LAMB4: variants seen among roughly 807,000 people sequenced by gnomAD.
LAMB4 encodes the protein laminin subunit beta-4.
Under a neutral mutation model 199.2 loss-of-function variants are expected in LAMB4, and 196 were observed. That is an observed-to-expected ratio of 0.98 (90% confidence interval 0.88 to 1.11). The LOEUF is 1.11. Among genes scored for constraint, LAMB4 ranks in the 50% least tolerant of loss-of-function variants. The pLI is 0.00. For missense variants in LAMB4, 2,080 were observed against 2,171.2 expected (o/e 0.96, Z 0.83); for synonymous variants, 744 against 770.6 (o/e 0.97, Z 0.57).
chr7:108,095,730 T>C (rs1477029402), intron 11 of LAMB4, among the ~76,000 whole-genome samples: 1 of 152,164 alleles, frequency 6.6e-6, no homozygotes, highest in Non-Finnish European at 1.5e-5. Flanking sequence ...GGAATCCCAC[T>C]CTCTCTTCTC....
intron 30 of LAMB4, among the ~76,000 whole-genome samples, chr7:108,036,673 G>A (rs1420061620): frequency 1.3e-5 from 2 of 152,130 alleles, no homozygotes; most frequent in East Asian, 1.9e-4. Flanking sequence ...AACTGATCCT[G>A]TAACCCTGAC....
rs2036036590 is a variant in LAMB4, at chr7:108,057,905, T to C, written c.3306A>G (p.Lys1102=). 1.2e-6 allele frequency: 2 copies of C among 1,613,546 alleles called. No individual in the cohort carries two copies. Among genetic ancestry groups the C allele is most frequent in the Admixed American group, 1.7e-5 (1 of 59,984 alleles). The change falls in exon 24 of 34, where the codon AAA becomes AAG. Residue 1102 remains lysine, a synonymous_variant. Transcript: ENST00000388781. The part of the protein sequence containing the change: ...CDQLTGQCPC[K]LGYGGKRCSE... ...TGCAACGTTTCCCGCCGTAACCTAA[T>C]TTACACGGACACTGGCCTGTAAGCT... is the stretch of plus-strand genomic sequence containing the variant.
rs1269662146 is a variant in LAMB4, at chr7:108,025,428, C to G, written c.5147-1250G>C. ...TTCTTTCTTTCTTTCTTCTTTCTTTCTTTCTTTTTTTTTTTTTGAGACAGA... is the reference window on the plus strand; with the variant it reads ...TTCTTTCTTTCTTTCTTCTTTCTTTGTTTCTTTTTTTTTTTTTGAGACAGA... On this transcript the variant is annotated intron_variant, in intron 33 of 33. Transcript: ENST00000388781. 2.3e-3 allele frequency among the ~76,000 whole-genome samples: 274 copies of G among 119,650 alleles called. 7 individuals carry two copies. The highest frequency in any genetic ancestry group is 0.014 in the African/African-American group (252 of 17,476). 78.5% of individuals were successfully genotyped at this position (119,650 alleles called of 152,430 possible).
At chr7:108,100,063 C>T (rs1305550457) in intron 10 of LAMB4, among the ~76,000 whole-genome samples, 1 of 152,074 alleles carries the variant, frequency 6.6e-6, no homozygotes, top group Non-Finnish European at 1.5e-5. Context: ...GGAGACACTC[C>T]AAAGAATCAG....
chr7:108,086,782 C>T (rs1331732686), intron 14 of LAMB4, among the ~76,000 whole-genome samples: 1 of 152,178 alleles, frequency 6.6e-6, no homozygotes, highest in Non-Finnish European at 1.5e-5. Context: ...TCATGAACCA[C>T]CCATATTAGA....
rs755132371 is a variant in LAMB4 at position 108,107,758 on chromosome 7, A to T, written c.464T>A (p.Val155Glu). 2 of 1,613,814 alleles carry T rather than the reference A, an allele frequency of 1.2e-6. No individual in the cohort carries two copies. Among genetic ancestry groups the T allele is most frequent in the Non-Finnish European group, 8.5e-7 (1 of 1,179,960 alleles). The change falls in exon 6 of 34, where the codon GTG becomes GAG. Residue 155 changes from valine to glutamate, a missense_variant. By Grantham distance (121) the Val-to-Glu change is moderately radical (BLOSUM62 -2). Coordinates refer to ENST00000388781, the MANE Select transcript of LAMB4 (RefSeq NM_007356.3). ...ACAGTCTTTTGCAAAATATTTGAAC[A>T]CTTTCCAGTTGTGTCCATAGTCTGT... ...RSTDYGHNWK[V>E]FKYFAKDCAT...
chr7:108,055,123 T>A (rs2035937363), intron 25 of LAMB4, among the ~76,000 whole-genome samples: 1 of 152,116 alleles, frequency 6.6e-6, no homozygotes, highest in Non-Finnish European at 1.5e-5. Flanking sequence ...ATCAATGGCA[T>A]CTGGAAAAAT....
chr7:108,036,887 T>C (rs1563034937), intron 30 of LAMB4, among the ~76,000 whole-genome samples: 1 of 148,862 alleles, frequency 6.7e-6, no homozygotes, highest in African/African-American at 2.5e-5. Context: ...TTTTTGCCAT[T>C]ATTTTCAATG....
intron 2 of LAMB4, 84 bp from the exon 3 acceptor site, chr7:108,116,245 G>A: frequency 7.8e-7 from 1 of 1,281,966 alleles, no homozygotes; most frequent in East Asian, 2.4e-5. Flanking sequence ...AAGGGGGAAA[G>A]TTATGTATTT....
In LAMB4 at chr7:108,063,864, C is replaced by G. The variant is rs751639136; in HGVS notation, c.2958G>C (p.Arg986=). 4.3e-6 allele frequency: 7 copies of G among 1,614,048 alleles called. No individual in the cohort carries two copies. In the Admixed American group the frequency reaches 1.2e-4, roughly 27 times the overall value. Residue 986 remains arginine, a synonymous_variant, in exon 22 of 34, where the codon CGG becomes CGC. Coordinates refer to ENST00000388781, the MANE Select transcript of LAMB4 (RefSeq NM_007356.3). ...AACATCGAAGGCACTCCCCTGTTAC[C>G]CGGCTGCAGGACTCTGGATCGGTTA... is the stretch of plus-strand genomic sequence containing the variant. ...IDVTDPESCS[R]VTGECLRCLH...
At chr7:108,019,255 T>C (rs965154399), downstream of LAMB4, among the ~76,000 whole-genome samples, 5 of 152,194 alleles carry the variant, frequency 3.3e-5, no homozygotes, top group African/African-American at 9.6e-5. Context: ...TAGGGACAAC[T>C]TACCTTCCTC....
downstream of LAMB4, among the ~76,000 whole-genome samples, chr7:108,019,321 G>A (rs968298550): frequency 1.2e-4 from 18 of 151,710 alleles, no homozygotes; most frequent in South Asian, 4.2e-4. Flanking sequence ...CAATCCTCCC[G>A]TGCTGCTGTC....
the LAMB4 span, among the ~76,000 whole-genome samples, chr7:108,016,513 G>A: frequency 2.0e-5 from 3 of 152,032 alleles, no homozygotes; most frequent in African/African-American, 7.2e-5. Flanking sequence ...CAAACTCCTG[G>A]CCTCAAGTGA....
At chr7:108,029,690 T>G (rs997107088) in intron 32 of LAMB4, among the ~76,000 whole-genome samples, 3 of 152,164 alleles carry the variant, frequency 2.0e-5, no homozygotes, top group African/African-American at 7.2e-5. Context: ...GAAGTAGAAG[T>G]GTGGTATGGA....
In LAMB4 at chr7:108,115,379, A is replaced by T. The variant is rs1246978100; in HGVS notation, c.192+625T>A. On this transcript the variant is annotated intron_variant, in intron 3 of 33. Transcript: ENST00000388781. Reference sequence around the variant, plus strand: ...TTTGGGAAAAAATAACAACAATAAAACAATAACAGGGTAGGCCCAGTGGCT... The same window carrying T: ...TTTGGGAAAAAATAACAACAATAAATCAATAACAGGGTAGGCCCAGTGGCT... Among the ~76,000 whole-genome samples the T allele has an allele frequency of 2.6e-5, 4 of 152,320 alleles. No homozygotes were observed. In the Middle Eastern group the frequency reaches 0.01, roughly 389 times the overall value.
chr7:108,027,363 T>C (rs2034874303), intron 33 of LAMB4, among the ~76,000 whole-genome samples: 1 of 152,198 alleles, frequency 6.6e-6, no homozygotes, highest in Admixed American at 6.5e-5. Context: ...TTAAAGCAAT[T>C]ATATAAGTGC....
At chr7:108,047,203 A>G (rs1448040401) in intron 28 of LAMB4, among the ~76,000 whole-genome samples, 2 of 152,126 alleles carry the variant, frequency 1.3e-5, no homozygotes, top group African/African-American at 4.8e-5. Context: ...ACACACGTAC[A>G]CACTTGACTT....
In LAMB4 at chr7:108,116,165, G is replaced by T; in HGVS notation, c.35-4C>A. 1 of 1,612,694 alleles carries T rather than the reference G, an allele frequency of 6.2e-7. No individual in the cohort carries two copies. Among genetic ancestry groups the T allele is most frequent in the Non-Finnish European group, 8.5e-7 (1 of 1,179,100 alleles). ...GCTTTTGAGTAACTGAGCCACCCTT[G>T]AACACAACAGAAATAGCTTACACGG... is the stretch of plus-strand genomic sequence containing the variant. On this transcript the variant is annotated splice_polypyrimidine_tract_variant and splice_region_variant and intron_variant, in intron 2 of 33. Transcript: ENST00000388781.
At chr7:108,125,338 C>G (rs1249062279) in intron 1 of LAMB4, among the ~76,000 whole-genome samples, 1 of 152,178 alleles carries the variant, frequency 6.6e-6, no homozygotes, top group Admixed American at 6.5e-5. Flanking sequence ...ATATCTAATC[C>G]TGATGCTGTC....
Sources: gnomAD v4.1 joint callset for allele counts (sites outside exome capture counted in the v4.1 genomes callset) on GRCh38, gnomAD v4.1.1 for gene constraint, MANE v1.5 for transcripts, NCBI Gene and HGNC (gene_info 2026-07-23, HGNC 2026-07-21) for gene names.